Variants in GPR63 observed in about 807,000 individuals in gnomAD.
The protein encoded by GPR63 is G protein-coupled receptor 63, also known as probable G protein-coupled receptor 63.
Under a neutral mutation model 23.1 loss-of-function variants are expected in GPR63, and 12 were observed. The ratio of observed to expected loss-of-function variants is 0.52; its 90% CI spans 0.33 to 0.84. The LOEUF is 0.84. GPR63 is among the 40% of genes least tolerant of loss of function. The probability of loss-of-function intolerance (pLI) is 0.02; values close to 1 mark genes in which losing one functional copy is unlikely to be tolerated. For missense variants in GPR63, 472 were observed against 515.6 expected (o/e 0.92, Z 0.82); for synonymous variants, 172 against 191.1 (o/e 0.90, Z 0.82).
chr6:96,829,864 T>C (rs369952662), intron 1 of GPR63, among the ~76,000 whole-genome samples: 1 of 146,610 alleles, frequency 6.8e-6, no homozygotes, highest in East Asian at 2.1e-4. Context: ...AAAAAAAGAG[T>C]AAAAATGAAC....
At chr6:96,815,578 T>C (rs1282498869) in intron 1 of GPR63, among the ~76,000 whole-genome samples, 1 of 152,204 alleles carries the variant, frequency 6.6e-6, no homozygotes, top group Non-Finnish European at 1.5e-5. Context: ...TATTGTGTTC[T>C]TACAAGAACA....
intron 1 of GPR63, among the ~76,000 whole-genome samples, chr6:96,815,785 G>A (rs1466434650): frequency 6.6e-6 from 1 of 152,168 alleles, no homozygotes; most frequent in Non-Finnish European, 1.5e-5. Flanking sequence ...TAGACTTGAG[G>A]TGATGCTCCT....
intron 1 of GPR63, among the ~76,000 whole-genome samples, chr6:96,820,392 CA>C (rs1774284129): frequency 6.6e-6 from 1 of 152,102 alleles, no homozygotes; most frequent in Admixed American, 6.5e-5. Flanking sequence ...CGGTAAAGGG[CA>C]CATGTTTCTT....
intron 1 of GPR63, among the ~76,000 whole-genome samples, chr6:96,802,964 C>G (rs1238973809): frequency 6.6e-6 from 1 of 152,076 alleles, no homozygotes; most frequent in African/African-American, 2.4e-5. Flanking sequence ...GGAAAACTGA[C>G]TGAAAATCAG....
intron 1 of GPR63, among the ~76,000 whole-genome samples, chr6:96,816,024 T>C (rs1287768151): frequency 6.6e-6 from 1 of 152,124 alleles, no homozygotes; most frequent in Non-Finnish European, 1.5e-5. Flanking sequence ...ATTAAAACAT[T>C]ATAAAGATTA....
intron 1 of GPR63, among the ~76,000 whole-genome samples, chr6:96,815,358 A>T (rs1312560287): frequency 1.3e-5 from 2 of 152,242 alleles, no homozygotes; most frequent in African/African-American, 4.8e-5. Flanking sequence ...ACTTATAGGA[A>T]GTATCCAAAA....
intron 1 of GPR63, among the ~76,000 whole-genome samples, chr6:96,819,642 C>T (rs1262958456): frequency 6.6e-6 from 1 of 151,252 alleles, no homozygotes; most frequent in African/African-American, 2.4e-5. Context: ...ATGTAATAAA[C>T]CTGCATGTTC....
chr6:96,817,007 T>C (rs1290715730), intron 1 of GPR63, among the ~76,000 whole-genome samples: 7 of 152,122 alleles, frequency 4.6e-5, no homozygotes, highest in Non-Finnish European at 1.0e-4. Flanking sequence ...AAGCACTGGC[T>C]ATAAAGAGTG....
chr6:96,807,638 T>A (rs1169293623), intron 1 of GPR63, among the ~76,000 whole-genome samples: 1 of 152,178 alleles, frequency 6.6e-6, no homozygotes, highest in Non-Finnish European at 1.5e-5. Flanking sequence ...GGTTACACAT[T>A]TCAAATAAAA....
At position 96,799,885 on chromosome 6, in the gene GPR63, A is replaced by C. The variant is rs1021343015; in HGVS notation, c.-150-4T>G. 1.8e-5 allele frequency: 13 copies of C among 711,240 alleles called. No homozygotes were observed. The highest frequency in any genetic ancestry group is 2.9e-5 in the Non-Finnish European group (12 of 417,738). The allele number at this position is 711,240 out of a possible 1,614,324, so 44.1% of individuals were successfully genotyped here. A position where few individuals can be genotyped will look rare whatever the true frequency, so the allele number is the denominator to read the frequency against. On this transcript the variant is annotated splice_polypyrimidine_tract_variant and splice_region_variant and intron_variant, in intron 1 of 1. Transcript: ENST00000229955. Reference sequence around the variant, plus strand: ...TCTTCCACAAGAGTCCTTTTGCCTGAAAATAAAACCAAAACACAAAAAGTA... The same window carrying C: ...TCTTCCACAAGAGTCCTTTTGCCTGCAAATAAAACCAAAACACAAAAAGTA...
chr6:96,813,405 G>A (rs1209560315), intron 1 of GPR63, among the ~76,000 whole-genome samples: 1 of 152,104 alleles, frequency 6.6e-6, no homozygotes, highest in Non-Finnish European at 1.5e-5. Context: ...TGTTTTTAGA[G>A]AAAACTCCAT....
chr6:96,826,902 A>G (rs1359203509), intron 1 of GPR63, among the ~76,000 whole-genome samples: 1 of 152,188 alleles, frequency 6.6e-6, no homozygotes, highest in African/African-American at 2.4e-5. Flanking sequence ...ATCATCAAAC[A>G]GAAATCTGAT....
chr6:96,800,650 T>A (rs528330978), intron 1 of GPR63, among the ~76,000 whole-genome samples: 1 of 152,340 alleles, frequency 6.6e-6, no homozygotes, highest in South Asian at 2.1e-4. Context: ...TTTATTTTAC[T>A]AAAGCTCTCT....
intron 1 of GPR63, among the ~76,000 whole-genome samples, chr6:96,832,809 T>C (rs1026658744): frequency 6.6e-6 from 1 of 151,356 alleles, no homozygotes; most frequent in Non-Finnish European, 1.5e-5. Context: ...AAAAAACAGA[T>C]TTGAAACCTT....
At chr6:96,834,256 T>A (rs1214864966) in intron 1 of GPR63, among the ~76,000 whole-genome samples, 1 of 152,238 alleles carries the variant, frequency 6.6e-6, no homozygotes, top group East Asian at 1.9e-4. Flanking sequence ...TAAAGCATGT[T>A]GGGCTGCCCA....
intron 1 of GPR63, among the ~76,000 whole-genome samples, chr6:96,813,216 T>C (rs1368936843): frequency 6.6e-6 from 1 of 152,178 alleles, no homozygotes; most frequent in Non-Finnish European, 1.5e-5. Context: ...TGTGTACATA[T>C]ACATGTTCTT....
In GPR63 at chr6:96,802,554, T is replaced by TTTG. The variant is rs1342440561; in HGVS notation, c.-150-2674_-150-2673insCAA. ...AATTTTTTCTAATTTTTTTTTTTTT[T>TTTG]TTTGAGACAGAGTCTCGCTCTGTCA... On this transcript the variant is annotated intron_variant, in intron 1 of 1. Transcript: ENST00000229955. 6.6e-5 allele frequency among the ~76,000 whole-genome samples: 10 copies of TTTG among 150,928 alleles called. 1 individual carries two copies. Among genetic ancestry groups the TTTG allele is most frequent in the Admixed American group, 4.6e-4 (7 of 15,184 alleles).
At chr6:96,819,751 A>C (rs1774257201) in intron 1 of GPR63, among the ~76,000 whole-genome samples, 1 of 151,732 alleles carries the variant, frequency 6.6e-6, no homozygotes, top group African/African-American at 2.4e-5. Context: ...AACAAAAAAA[A>C]ACGGGTAGAT....
At chr6:96,815,710 A>G (rs547214364) in intron 1 of GPR63, among the ~76,000 whole-genome samples, 1 of 152,330 alleles carries the variant, frequency 6.6e-6, no homozygotes, top group East Asian at 1.9e-4. Flanking sequence ...TATATGTTAA[A>G]TGTGTACAAA....
Sources: allele counts gnomAD v4.1 joint callset (sites outside exome capture counted in the v4.1 genomes callset), GRCh38; gene constraint gnomAD v4.1.1; transcripts MANE v1.5; gene names NCBI Gene and HGNC (gene_info 2026-07-23, HGNC 2026-07-21).